The following MTDH variants were observed in gnomAD, a reference collection of about 807,000 sequenced individuals.
The protein encoded by MTDH is protein LYRIC.
MTDH carries 34 observed loss-of-function variants against 72.7 expected under a neutral mutation model. That is an observed-to-expected ratio of 0.47 (90% confidence interval 0.36 to 0.62). The LOEUF is 0.62. Ranked by LOEUF, MTDH falls within the 20% of genes least tolerant of loss-of-function variation. MTDH has a pLI of 0.00. For missense variants in MTDH, 677 were observed against 699.4 expected, an observed-to-expected ratio of 0.97 and a Z score of 0.36; for synonymous variants, 266 against 268.9, an observed-to-expected ratio of 0.99 and a Z score of 0.10.
intron 10 of MTDH, 101 bp downstream of exon 10, chr8:97,719,290 C>A (rs1815010690): frequency 4.9e-6 from 6 of 1,212,446 alleles, no homozygotes; most frequent in Non-Finnish European, 6.9e-6. Context: ...GTCAGGAGTT[C>A]AAGAGCAGCC....
At chr8:97,710,019 T>C (rs962196068) in intron 8 of MTDH, among the ~76,000 whole-genome samples, 10 of 152,190 alleles carry the variant, frequency 6.6e-5, no homozygotes, top group African/African-American at 2.2e-4. Flanking sequence ...GTGACCTGAG[T>C]ATCATTCATG....
At chr8:97,709,231 G>A (rs559878310) in intron 8 of MTDH, among the ~76,000 whole-genome samples, 2 of 151,852 alleles carry the variant, frequency 1.3e-5, no homozygotes, top group South Asian at 2.1e-4. Flanking sequence ...AATACTAATG[G>A]TAGAAGGAGG....
chr8:97,664,950 G>A (rs746568089), intron 2 of MTDH, among the ~76,000 whole-genome samples: 8 of 151,974 alleles, frequency 5.3e-5, no homozygotes, highest in South Asian at 2.1e-4. Context: ...TAGTAGAGAC[G>A]GGGTTTCACC....
intron 6 of MTDH, among the ~76,000 whole-genome samples, chr8:97,692,393 TG>T (rs1041470102): frequency 6.6e-6 from 1 of 151,778 alleles, no homozygotes; most frequent in African/African-American, 2.4e-5. Flanking sequence ...TTTTTTGAGA[TG>T]GAGTCTCACT....
In MTDH at chr8:97,694,266, C is replaced by T. The variant is rs544821861; in HGVS notation, c.1048+3078C>T. On this transcript the variant is annotated intron_variant, in intron 6 of 11. Coordinates refer to ENST00000336273, the MANE Select transcript of MTDH (RefSeq NM_178812.4). ...AGGCTGGAGTGCAATGGCACGATCT[C>T]GGCTCACCACAACCACCGCCTCTCG... 2.8e-4 allele frequency among the ~76,000 whole-genome samples: 42 copies of T among 151,136 alleles called. No individual in the cohort carries two copies. The East Asian group carries it at 7.2e-3, about 26-fold the overall frequency.
chr8:97,659,624 A>G (rs968114061), intron 1 of MTDH, among the ~76,000 whole-genome samples: 6 of 152,204 alleles, frequency 3.9e-5, no homozygotes, highest in African/African-American at 1.4e-4. Flanking sequence ...AACACTTTGT[A>G]TTGTTTTCTT....
At chr8:97,669,506 A>G (rs1257201612) in intron 2 of MTDH, among the ~76,000 whole-genome samples, 2 of 152,138 alleles carry the variant, frequency 1.3e-5, no homozygotes, top group African/African-American at 4.8e-5. Context: ...CGTGTCCATT[A>G]GCAGTAACTT....
Position 97,687,343 on chromosome 8 carries a change from G to A in MTDH, c.569-86G>A, listed in dbSNP as rs575742664. 78 of 1,091,454 alleles carry A rather than the reference G, an allele frequency of 7.1e-5. No homozygotes were observed. In the African/African-American group the frequency reaches 1.2e-3, roughly 17 times the overall value. 67.6% of individuals were successfully genotyped at this position (1,091,454 alleles called of 1,614,324 possible). On this transcript the variant is annotated intron_variant, in intron 3 of 11. Coordinates refer to ENST00000336273, the MANE Select transcript of MTDH (RefSeq NM_178812.4). ...ATCTAAATTTATCATGATATTTTAT[G>A]TGCTCCACCCCATATTCTCCCCCAA...
chr8:97,690,630 G>A (rs1001010472), intron 5 of MTDH, among the ~76,000 whole-genome samples: 1 of 127,064 alleles, frequency 7.9e-6, no homozygotes, highest in African/African-American at 3.4e-5. Context: ...GATACATAAT[G>A]TAATATATAT....
chr8:97,709,218 TATA>T (rs1814519037), intron 8 of MTDH, among the ~76,000 whole-genome samples: 1 of 147,250 alleles, frequency 6.8e-6, no homozygotes, highest in Non-Finnish European at 1.5e-5. Context: ...AACCACCAGA[TATA>T]ATACTAATGG....
intron 1 of MTDH, among the ~76,000 whole-genome samples, chr8:97,645,717 G>C (rs1811540076): frequency 6.6e-6 from 1 of 152,182 alleles, no homozygotes; most frequent in South Asian, 2.1e-4. Flanking sequence ...GTCTGTCTTA[G>C]GCCTTCATGT....
At position 97,719,153 on chromosome 8, in the gene MTDH, T is replaced by C. The variant is rs1464198762; in HGVS notation, c.1485T>C (p.Thr495=). 1.5e-5 allele frequency: 24 copies of C among 1,613,736 alleles called. No individual in the cohort carries two copies. Among genetic ancestry groups the C allele is most frequent in the Non-Finnish European group, 1.9e-5 (23 of 1,179,928 alleles). Residue 495 remains threonine, a synonymous_variant, in exon 10 of 12, where the codon ACT becomes ACC. Transcript: ENST00000336273. ...CTTTTTCCTTGAAGACCATAAGCAC[T>C]AGTGATCCAGCCGAAGTACTCGTCA... The part of the protein sequence containing the change: ...EKAFSLKTIS[T]SDPAEVLVKN...
At chr8:97,651,034 G>C (rs967434395) in intron 1 of MTDH, among the ~76,000 whole-genome samples, 6 of 152,124 alleles carry the variant, frequency 3.9e-5, no homozygotes, top group African/African-American at 1.4e-4. Context: ...ACACATAAAA[G>C]GTATGTTATA....
chr8:97,645,405 C>G (rs1021040862), intron 1 of MTDH, among the ~76,000 whole-genome samples: 1 of 152,164 alleles, frequency 6.6e-6, no homozygotes, highest in Non-Finnish European at 1.5e-5. Context: ...AGACGCGCTT[C>G]CATTTTAGTT....
At chr8:97,646,887 A>G (rs1811583619) in intron 1 of MTDH, among the ~76,000 whole-genome samples, 1 of 152,236 alleles carries the variant, frequency 6.6e-6, no homozygotes. Context: ...ACATTTACAA[A>G]ATTGTGACTT....
At chr8:97,666,857 C>T (rs530803205) in intron 2 of MTDH, among the ~76,000 whole-genome samples, 62 of 152,150 alleles carry the variant, frequency 4.1e-4, no homozygotes, top group Middle Eastern at 3.4e-3. Context: ...CCACTACCCC[C>T]GGCTGATTTT....
Position 97,728,154 on chromosome 8 carries a change from C to T in MTDH, c.*3484C>T, listed in dbSNP as rs1417503033. On this transcript the variant is annotated 3_prime_UTR_variant, in exon 12 of 12. Transcript: ENST00000336273. ...GTCTACTAGATATCTTTAAGATTTT[C>T]CTGTAAACTCACTGCACAAACTGGA... is the stretch of plus-strand genomic sequence containing the variant. 5 of 152,014 alleles carry T rather than the reference C, an allele frequency of 3.3e-5. No individual in the cohort carries two copies. Among genetic ancestry groups the T allele is most frequent in the African/African-American group, 4.8e-5 (2 of 41,388 alleles). 9.4% of individuals were successfully genotyped at this position (152,014 alleles called of 1,614,324 possible).
intron 1 of MTDH, among the ~76,000 whole-genome samples, chr8:97,645,826 A>G (rs1811544204): frequency 6.6e-6 from 1 of 152,180 alleles, no homozygotes; most frequent in African/African-American, 2.4e-5. Context: ...GAGCAAATTG[A>G]GACTATGGAG....
intron 9 of MTDH, among the ~76,000 whole-genome samples, chr8:97,714,982 C>T (rs1014741636): frequency 6.6e-6 from 1 of 152,122 alleles, no homozygotes; most frequent in Admixed American, 6.6e-5. Context: ...TGTGCCACCA[C>T]GCCTGGCTAA....
Sources: allele counts gnomAD v4.1 joint callset (sites outside exome capture counted in the v4.1 genomes callset), GRCh38; gene constraint gnomAD v4.1.1; transcripts MANE v1.5; gene names NCBI Gene and HGNC (gene_info 2026-07-23, HGNC 2026-07-21).